DMD: variants seen among roughly 807,000 people sequenced by gnomAD.
The protein encoded by DMD is dystrophin, also known as mutant dystrophin.
Under a neutral mutation model 330.1 loss-of-function variants are expected in DMD, and 63 were observed. The ratio of observed to expected loss-of-function variants is 0.19; its 90% CI spans 0.16 to 0.24. The LOEUF (loss-of-function observed/expected upper bound fraction) is 0.24. DMD is among the 10% of genes least tolerant of loss of function. The pLI, the probability that DMD is intolerant of heterozygous loss-of-function variation, is 1.00. For missense variants in DMD, 3,344 were observed against 2,684.1 expected, an observed-to-expected ratio of 1.25 and a Z score of -5.43; for synonymous variants, 1,223 against 959.8, an observed-to-expected ratio of 1.27 and a Z score of -5.07.
intron 51 of DMD, among the ~76,000 whole-genome samples, chrX:31,754,302 G>A (rs1441023025): frequency 9.0e-6 from 1 of 111,579 alleles, no homozygotes; most frequent in Non-Finnish European, 1.9e-5. Flanking sequence ...CCTATATGCA[G>A]ACAACCAGGC....
At chrX:32,648,430 A>C (rs938397792) in intron 9 of DMD, among the ~76,000 whole-genome samples, 7 of 112,117 alleles carry the variant, frequency 6.2e-5, no homozygotes, top group Admixed American at 1.9e-4. Flanking sequence ...AAATCATGTT[A>C]GTAGGTTATG....
chrX:32,297,271 A>ATTTAT (rs869187763), intron 42 of DMD, among the ~76,000 whole-genome samples: 11 of 89,820 alleles, frequency 1.2e-4, no homozygotes, highest in African/African-American at 5.4e-4. Context: ...TTATTTATTT[A>ATTTAT]TTATTTATTT....
intron 77 of DMD, 123 bp downstream of exon 77, chrX:31,133,979 C>A: frequency 1.7e-6 from 1 of 593,974 alleles, no homozygotes; most frequent in South Asian, 2.5e-5. Flanking sequence ...TCACCATGGA[C>A]CCAAATTGCC....
chrX:31,762,601 AAAAG>A (rs1272048723), intron 51 of DMD, among the ~76,000 whole-genome samples: 1 of 111,203 alleles, frequency 9.0e-6, no homozygotes, highest in Non-Finnish European at 1.9e-5. Context: ...AAACAAAACA[AAAAG>A]AAAGTCTCAT....
rs1216101342 is a variant in DMD at position 33,174,642 on chromosome X, C to G, written c.31+36640G>C. Among the ~76,000 whole-genome samples the G allele has an allele frequency of 2.7e-5, 3 of 110,608 alleles. No individual in the cohort carries two copies. In the East Asian group the frequency reaches 8.6e-4, roughly 32 times the overall value. ...GACTTAATTAAGGAATTTAGAGAAG[C>G]TCAGTCATGAAATTAGGGTAAACTT... is the stretch of plus-strand genomic sequence containing the variant. On this transcript the variant is annotated intron_variant, in intron 1 of 78. Coordinates refer to ENST00000357033, the MANE Select transcript of DMD (RefSeq NM_004006.3).
At chrX:32,162,036 A>G (rs1290258185) in intron 44 of DMD, among the ~76,000 whole-genome samples, 1 of 111,651 alleles carries the variant, frequency 9.0e-6, no homozygotes, top group Non-Finnish European at 1.9e-5. Flanking sequence ...AAGGTGAGGG[A>G]GAGCATTAGG....
intron 7 of DMD, among the ~76,000 whole-genome samples, chrX:32,760,627 A>G: frequency 8.9e-6 from 1 of 112,104 alleles, no homozygotes; most frequent in South Asian, 3.7e-4. Flanking sequence ...AAAATAACTT[A>G]TGAATTATGG....
chrX:32,300,721 G>A (rs2148532760), intron 42 of DMD, among the ~76,000 whole-genome samples: 1 of 110,820 alleles, frequency 9.0e-6, no homozygotes, highest in African/African-American at 3.3e-5. Flanking sequence ...CAAAATATAT[G>A]GCATTCTATG....
chrX:32,458,483 G>A (rs1344730421), intron 25 of DMD, among the ~76,000 whole-genome samples: 6 of 111,334 alleles, frequency 5.4e-5, no homozygotes, highest in African/African-American at 2.0e-4. Context: ...TTGAGATCCT[G>A]ATTTTATTTC....
At chrX:32,264,233 C>A (rs2097335084) in intron 43 of DMD, among the ~76,000 whole-genome samples, 1 of 111,243 alleles carries the variant, frequency 9.0e-6, no homozygotes, top group Admixed American at 9.6e-5. Flanking sequence ...CTCCTTCTTG[C>A]CATCATGTGA....
intron 47 of DMD, among the ~76,000 whole-genome samples, chrX:31,914,522 C>G (rs1330600711): frequency 8.9e-6 from 1 of 112,163 alleles, no homozygotes; most frequent in African/African-American, 3.2e-5. Flanking sequence ...AAACGTGGTA[C>G]ATATACACAA....
At chrX:32,259,322 ACT>A (rs1247256223) in intron 43 of DMD, among the ~76,000 whole-genome samples, 1 of 110,564 alleles carries the variant, frequency 9.0e-6, no homozygotes, top group Non-Finnish European at 1.9e-5. Flanking sequence ...CATTTTAAAG[ACT>A]CTTTTACATT....
At chrX:32,206,372 AGATGATGATTTTGATGAT>A (rs972549644) in intron 44 of DMD, 26 of 509,136 alleles carry the variant, frequency 5.1e-5, no homozygotes, top group Non-Finnish European at 7.8e-5. Flanking sequence ...CTGCTGATGA[AGATGATGATTTTGATGAT>A]GATGATGATT....
At chrX:33,306,640 T>C (rs2053766314) in intron 1 of DMD, among the ~76,000 whole-genome samples, 1 of 110,113 alleles carries the variant, frequency 9.1e-6, no homozygotes, top group East Asian at 2.9e-4. Flanking sequence ...CATGTTTGGG[T>C]GAGAGGTGAG....
intron 76 of DMD, among the ~76,000 whole-genome samples, chrX:31,138,624 GGAGAGA>G (rs1175532244): frequency 9.7e-4 from 57 of 58,731 alleles, no homozygotes; most frequent in Non-Finnish European, 1.1e-3. Flanking sequence ...CATGGCAGCA[GGAGAGA>G]GAGAGAGAGA....
At chrX:32,874,692 C>T (rs1402355553) in intron 2 of DMD, among the ~76,000 whole-genome samples, 10 of 111,742 alleles carry the variant, frequency 8.9e-5, no homozygotes, top group Admixed American at 1.9e-4. Context: ...TAGAATGCAA[C>T]GAATATGATG....
chrX:31,493,441 A>G (rs1353282705), intron 57 of DMD, among the ~76,000 whole-genome samples: 1 of 112,665 alleles, frequency 8.9e-6, no homozygotes, highest in East Asian at 2.8e-4. Flanking sequence ...AAGGATTATT[A>G]GATGATAACC....
chrX:31,522,363 C>CTCTCTCTCTCTCTCTCTCTATATATA, intron 55 of DMD, among the ~76,000 whole-genome samples: 4 of 35,964 alleles, frequency 1.1e-4, no homozygotes, highest in African/African-American at 5.7e-4. Context: ...CTCTCTCTCT[C>CTCTCTCTCTCTCTCTCTCTATATATA]TATATATATA....
At chrX:32,436,783 T>A (rs1223132181) in intron 29 of DMD, among the ~76,000 whole-genome samples, 2 of 109,260 alleles carry the variant, frequency 1.8e-5, no homozygotes, top group Non-Finnish European at 3.8e-5. Flanking sequence ...AAAACAACAT[T>A]TCCACACACA....
Sources: gnomAD v4.1 joint callset for allele counts (sites outside exome capture counted in the v4.1 genomes callset) on GRCh38, gnomAD v4.1.1 for gene constraint, MANE v1.5 for transcripts, NCBI Gene and HGNC (gene_info 2026-07-23, HGNC 2026-07-21) for gene names.